The following POPDC1 variants were observed in gnomAD, a reference collection of about 807,000 sequenced individuals.
POPDC1 encodes the protein popeye domain-containing protein 1.
chr6:105,127,071 C>T, the POPDC1 span, among the ~76,000 whole-genome samples: 1 of 152,212 alleles, frequency 6.6e-6, no homozygotes. Context: ...GAAAACCATA[C>T]TGCACTGTAT....
the POPDC1 span, among the ~76,000 whole-genome samples, chr6:105,116,309 T>G: frequency 6.6e-6 from 1 of 152,204 alleles, no homozygotes; most frequent in South Asian, 2.1e-4. Flanking sequence ...CCTGAAGATA[T>G]GCAAGACTGG....
the POPDC1 span, chr6:105,125,573 C>T: frequency 6.2e-7 from 1 of 1,613,824 alleles, no homozygotes; most frequent in Admixed American, 1.7e-5. Context: ...CCTTTTCAAT[C>T]TTTACCTGAA....
the POPDC1 span, chr6:105,116,968 C>T: frequency 6.5e-6 from 7 of 1,079,994 alleles, no homozygotes; most frequent in African/African-American, 1.1e-4. Context: ...TGGACATTAT[C>T]ATAGCAATGA....
the POPDC1 span, among the ~76,000 whole-genome samples, chr6:105,114,788 A>T: frequency 6.6e-6 from 1 of 152,362 alleles, no homozygotes; most frequent in South Asian, 2.1e-4. Flanking sequence ...AATACCGGAA[A>T]ATGTGCCTCT....
the POPDC1 span, among the ~76,000 whole-genome samples, chr6:105,128,682 A>G: frequency 6.6e-6 from 1 of 152,210 alleles, no homozygotes; most frequent in Non-Finnish European, 1.5e-5. Flanking sequence ...TCTATGAATC[A>G]TCTTGTTTTC....
chr6:105,110,304 C>G, the POPDC1 span, among the ~76,000 whole-genome samples: 22 of 152,316 alleles, frequency 1.4e-4, no homozygotes, highest in African/African-American at 5.1e-4. Flanking sequence ...CTTTACTCAT[C>G]TATAAAATGA....
chr6:105,131,438 A>T, the POPDC1 span, among the ~76,000 whole-genome samples: 9 of 151,542 alleles, frequency 5.9e-5, no homozygotes, highest in East Asian at 3.9e-4. Context: ...ACTTTTTAAA[A>T]TTTTTTTTTC....
the POPDC1 span, chr6:105,136,811 G>A: frequency 0.029 from 4,349 of 152,342 alleles, 89 homozygotes; most frequent in Middle Eastern, 0.072. Flanking sequence ...CCGGCTGCCC[G>A]GGCGCGTAGA....
the POPDC1 span, chr6:105,116,742 T>C: frequency 6.2e-7 from 1 of 1,610,134 alleles, no homozygotes; most frequent in Non-Finnish European, 8.5e-7. Context: ...TAGAGCTTAT[T>C]TGTGATGTCT....
the POPDC1 span, chr6:105,101,081 C>A: frequency 6.2e-7 from 1 of 1,601,938 alleles, no homozygotes; most frequent in Non-Finnish European, 8.5e-7. Context: ...CCTGAATTCT[C>A]TCTCTGATCA....
chr6:105,114,668 C>G, the POPDC1 span, among the ~76,000 whole-genome samples: 1 of 152,176 alleles, frequency 6.6e-6, no homozygotes, highest in Non-Finnish European at 1.5e-5. Context: ...TAGAATAATT[C>G]TTAAAGTATT....
At chr6:105,132,078 G>A in the POPDC1 span, among the ~76,000 whole-genome samples, 12 of 150,524 alleles carry the variant, frequency 8.0e-5, no homozygotes, top group African/African-American at 2.9e-4. Context: ...CAATTCTCCT[G>A]CCTCAGCCTC....
chr6:105,111,331 T>A, the POPDC1 span, among the ~76,000 whole-genome samples: 1 of 152,194 alleles, frequency 6.6e-6, no homozygotes, highest in East Asian at 1.9e-4. Context: ...ATACAATCCA[T>A]CTGTGTGAAT....
At chr6:105,133,491 G>A in the POPDC1 span, 3 of 1,613,860 alleles carry the variant, frequency 1.9e-6, no homozygotes, top group Non-Finnish European at 2.5e-6. Context: ...TGGTCTTATT[G>A]GAAGGCACAG....
the POPDC1 span, among the ~76,000 whole-genome samples, chr6:105,103,450 A>T: frequency 2.0e-5 from 3 of 151,572 alleles, no homozygotes; most frequent in African/African-American, 7.3e-5. Flanking sequence ...AGCTCTCTTG[A>T]GTGTGGCAAA....
At chr6:105,103,723 T>A in the POPDC1 span, among the ~76,000 whole-genome samples, 1 of 152,194 alleles carries the variant, frequency 6.6e-6, no homozygotes, top group Admixed American at 6.5e-5. Flanking sequence ...TTTCTAGTTT[T>A]TAAGCTCATC....
At chr6:105,117,092 T>C in the POPDC1 span, among the ~76,000 whole-genome samples, 17 of 152,360 alleles carry the variant, frequency 1.1e-4, no homozygotes, top group Non-Finnish European at 2.4e-4. Flanking sequence ...TCTCTGTGTT[T>C]CCTTGTTGTT....
chr6:105,105,873 G>A, the POPDC1 span, among the ~76,000 whole-genome samples: 39 of 152,250 alleles, frequency 2.6e-4, no homozygotes, highest in Admixed American at 2.3e-3. Flanking sequence ...AATCACTTTT[G>A]TTCTTCAAGG....
the POPDC1 span, chr6:105,116,698 T>G: frequency 6.4e-7 from 1 of 1,571,460 alleles, no homozygotes; most frequent in African/African-American, 1.4e-5. Context: ...AGAGAACACT[T>G]ACTTTATCAT....
Sources: gnomAD v4.1 joint callset for allele counts (sites outside exome capture counted in the v4.1 genomes callset) on GRCh38, gnomAD v4.1.1 for gene constraint, MANE v1.5 for transcripts, NCBI Gene and HGNC (gene_info 2026-07-23, HGNC 2026-07-21) for gene names.